Variants in GPR34 observed in about 807,000 individuals in gnomAD.
GPR34 encodes the protein probable G protein-coupled receptor 34.
GPR34 carries 3 observed loss-of-function variants against 14.1 expected under a neutral mutation model. The observed-to-expected ratio is 0.21, with a 90% CI of 0.10 to 0.55. The LOEUF (loss-of-function observed/expected upper bound fraction) is 0.55. Among genes scored for constraint, GPR34 ranks in the 20% least tolerant of loss-of-function variants. The probability of loss-of-function intolerance (pLI) is 0.94; values close to 1 mark genes in which losing one functional copy is unlikely to be tolerated. For synonymous variants in GPR34, 99 were observed against 99.9 expected, an observed-to-expected ratio of 0.99 and a Z score of 0.05; for missense variants, 213 against 292.8, an observed-to-expected ratio of 0.73 and a Z score of 1.99.
chrX:41,696,149 T>G lies in GPR34; in HGVS notation c.516T>G (p.Ile172Met). Residue 172 changes from isoleucine (I) to methionine (M), a missense_variant, in exon 3 of 3, where the codon ATT (isoleucine) becomes ATG (methionine). Transcript: ENST00000378142. ...AGGCAATAACAACCAAACAAAGTAT[T>G]TATGTCTGTTGTATAGTATGGATGC... ...QRKAITTKQS[I>M]YVCCIVWMLA... is the part of the protein sequence containing the mutation. 1 of 1,208,042 alleles carries G rather than the reference T, an allele frequency of 8.3e-7. No individual in the cohort carries two copies. The highest frequency in any genetic ancestry group is 1.1e-6 in the Non-Finnish European group (1 of 892,758).
Position 41,695,738 on chromosome X carries a change from A to C in GPR34, c.105A>C (p.Gln35His). 8.3e-7 allele frequency: 1 copy of C among 1,209,862 alleles called. No individual in the cohort carries two copies. The highest frequency in any genetic ancestry group is 1.1e-6 in the Non-Finnish European group (1 of 893,878). ...FITNHSDQPP[Q>H]NFSATPNVTT... ...CCAATCATAGCGACCAACCGCCACA[A>C]AACTTCTCAGCAACACCAAATGTTA... The change falls in exon 3 of 3, where the codon CAA becomes CAC. Residue 35 changes from glutamine to histidine, a missense_variant. By Grantham distance (24) the Gln-to-His change is conservative. Transcript: ENST00000378142.
chrX:41,695,648 C>T lies in GPR34; in HGVS notation c.15C>T (p.Thr5=). The T allele has an allele frequency of 2.5e-6, 3 of 1,193,974 alleles. No individual in the cohort carries two copies. Among genetic ancestry groups the T allele is most frequent in the African/African-American group, 1.7e-5 (1 of 57,328 alleles). The part of the protein sequence containing the change: MRSH[T]ITMTTTSVSS... The stretch of plus-strand genomic sequence containing the variant: ...CACAGAAGACAATGAGAAGTCATAC[C>T]ATAACAATGACGACAACTTCAGTCA... The change falls in exon 3 of 3, where the codon ACC becomes ACT. Residue 5 remains threonine, a synonymous_variant. Transcript: ENST00000378142.
rs1193135828 is a variant in GPR34, at chrX:41,695,774, C to T, written c.141C>T (p.Pro47=). The T allele has an allele frequency of 2.5e-6, 3 of 1,210,158 alleles. No homozygotes were observed. The highest frequency in any genetic ancestry group is 3.4e-6 in the Non-Finnish European group (3 of 894,047). The change falls in exon 3 of 3, where the codon CCC becomes CCT. Residue 47 remains proline, a synonymous_variant. Transcript: ENST00000378142. ...CAACACCAAATGTTACTACCTGTCC[C>T]ATGGATGAAAAATTGCTATCTACTG... ...FSATPNVTTC[P]MDEKLLSTVL...
chrX:41,690,793 C>T (rs1488158117), intron 2 of GPR34, among the ~76,000 whole-genome samples: 1 of 108,379 alleles, frequency 9.2e-6, no homozygotes, highest in African/African-American at 3.4e-5. Context: ...CCCACCTTAG[C>T]CTCTCGAGTA....
rs566277310 is a variant in GPR34 at position 41,695,660 on chromosome X, G to A, written c.27G>A (p.Thr9=). 1.7e-6 allele frequency: 2 copies of A among 1,200,917 alleles called. No homozygotes were observed. Among genetic ancestry groups the A allele is most frequent in the African/African-American group, 3.5e-5 (2 of 57,374 alleles). The change falls in exon 3 of 3, where the codon ACG becomes ACA. Residue 9 remains threonine (T), a synonymous_variant. Coordinates refer to ENST00000378142, the MANE Select transcript of GPR34 (RefSeq NM_001097579.2). The part of the protein sequence containing the change: MRSHTITM[T]TTSVSSWPYS... ...TGAGAAGTCATACCATAACAATGAC[G>A]ACAACTTCAGTCAGCAGCTGGCCTT...
chrX:41,691,356 C>T (rs758243686), intron 2 of GPR34, among the ~76,000 whole-genome samples: 1 of 111,638 alleles, frequency 9.0e-6, no homozygotes, highest in Non-Finnish European at 1.9e-5. Context: ...AGATTAATAC[C>T]CTTTCCAAAG....
chrX:41,695,713 C>T lies in GPR34; in HGVS notation c.80C>T (p.Thr27Ile). ...PYSSHRMRFITNHSDQPPQNF... is the reference protein window; with the variant it reads ...PYSSHRMRFIINHSDQPPQNF... ...TCCTCCCACAGAATGCGCTTTATAA[C>T]CAATCATAGCGACCAACCGCCACAA... The change falls in exon 3 of 3, where the codon ACC (threonine) becomes ATC (isoleucine). Residue 27 changes from threonine to isoleucine, a missense_variant. Transcript: ENST00000378142. The T allele has an allele frequency of 8.3e-7, 1 of 1,204,894 alleles. No homozygotes were observed. The highest frequency in any genetic ancestry group is 1.1e-6 in the Non-Finnish European group (1 of 889,547).
In GPR34 at chrX:41,692,852, T is replaced by C. The variant is rs909902272; in HGVS notation, c.-79-2703T>C. On this transcript the variant is annotated intron_variant, in intron 2 of 2. Coordinates refer to ENST00000378142, the MANE Select transcript of GPR34 (RefSeq NM_001097579.2). ...GTTTTTCGTTGCCACCACACTACGC[T>C]AGTGATAGAGCAATTGCAATTGTGT... is the stretch of plus-strand genomic sequence containing the variant. Among the ~76,000 whole-genome samples the C allele has an allele frequency of 4.7e-4, 53 of 112,162 alleles. 1 individual carries two copies. The highest frequency in any genetic ancestry group is 7.6e-4 in the Admixed American group (8 of 10,578).
At position 41,696,521 on chromosome X, in the gene GPR34, A is replaced by G. The variant is rs138580045; in HGVS notation, c.888A>G (p.Val296=). 2.7e-3 allele frequency: 3,273 copies of G among 1,206,888 alleles called. 11 individuals carry two copies. The highest frequency in any genetic ancestry group is 0.013 in the Middle Eastern group (58 of 4,345). Residue 296 remains valine (V), a synonymous_variant, in exon 3 of 3, where the codon GTA becomes GTG. Transcript: ENST00000378142. ...TCTACATTTCTTCACAGCTAAATGT[A>G]TCATCTTGCTACTGGAAAGAAATTG... ...RFIYISSQLN[V]SSCYWKEIVH... is the part of the protein sequence containing the mutation.
intron 2 of GPR34, among the ~76,000 whole-genome samples, chrX:41,691,986 T>C (rs1463204478): frequency 9.0e-6 from 1 of 110,830 alleles, no homozygotes; most frequent in Non-Finnish European, 1.9e-5. Flanking sequence ...CTTGAACTCC[T>C]GGTCTCAAGT....
chrX:41,696,106 G>A lies in GPR34; in HGVS notation c.473G>A (p.Arg158Gln), dbSNP rs768784541. ...TTGGATCGCTATATAAAAATTAATC[G>A]GTCTATACAGCAACGGAAGGCAATA... Reference protein sequence around the residue: ...ISLDRYIKINRSIQQRKAITT... With the variant: ...ISLDRYIKINQSIQQRKAITT... Residue 158 changes from arginine to glutamine, a missense_variant, in exon 3 of 3, where the codon CGG becomes CAG. Coordinates refer to ENST00000378142, the MANE Select transcript of GPR34 (RefSeq NM_001097579.2). The A allele has an allele frequency of 7.5e-6, 9 of 1,202,272 alleles. No homozygotes were observed. The highest frequency in any genetic ancestry group is 1.0e-5 in the Non-Finnish European group (9 of 888,646).
intron 2 of GPR34, among the ~76,000 whole-genome samples, chrX:41,693,470 C>T (rs1331466330): frequency 1.4e-4 from 15 of 110,112 alleles, no homozygotes; most frequent in Non-Finnish European, 2.7e-4. Context: ...AAAAATTAGC[C>T]GGGCATGGTG....
chrX:41,695,923 C>A lies in GPR34; in HGVS notation c.290C>A (p.Ala97Asp), dbSNP rs903811098. The part of the protein sequence containing the change: ...NSIQIYLLNV[A>D]IADLLLIFCL... ...ATTCAAATTTATCTACTTAACGTAG[C>A]CATTGCAGACCTCCTACTCATCTTC... Residue 97 changes from alanine (A) to aspartate (D), a missense_variant, in exon 3 of 3, where the codon GCC becomes GAC. By Grantham distance (126) the Ala-to-Asp change is moderately radical (BLOSUM62 -2). Coordinates refer to ENST00000378142, the MANE Select transcript of GPR34 (RefSeq NM_001097579.2). 1.7e-6 allele frequency: 2 copies of A among 1,205,040 alleles called. No individual in the cohort carries two copies. The highest frequency in any genetic ancestry group is 2.2e-6 in the Non-Finnish European group (2 of 889,964).
In GPR34 at chrX:41,694,933, A is replaced by C. The variant is rs180998670; in HGVS notation, c.-79-622A>C. ...AATGAATGCCACATATGAGGGAAAA[A>C]GTCAAGGCAGGAAGTGGTTCTGAAG... On this transcript the variant is annotated intron_variant, in intron 2 of 2. Transcript: ENST00000378142. 1.9e-3 allele frequency among the ~76,000 whole-genome samples: 218 copies of C among 112,012 alleles called. 3 individuals are homozygous for C. The highest frequency in any genetic ancestry group is 0.017 in the Admixed American group (178 of 10,553).
Position 41,696,485 on chromosome X carries a change from C to A in GPR34, c.852C>A (p.Ala284=). The change falls in exon 3 of 3, where the codon GCC becomes GCA. Residue 284 remains alanine, a synonymous_variant. Coordinates refer to ENST00000378142, the MANE Select transcript of GPR34 (RefSeq NM_001097579.2). ...IFTICFVPYH[A]FRFIYISSQL... The stretch of plus-strand genomic sequence containing the variant: ...CTATATGTTTTGTTCCCTATCATGC[C>A]TTTCGATTCATCTACATTTCTTCAC... 3.3e-6 allele frequency: 4 copies of A among 1,208,009 alleles called. No individual in the cohort carries two copies. The highest frequency in any genetic ancestry group is 4.5e-6 in the Non-Finnish European group (4 of 892,585).
chrX:41,690,370 A>G (rs1174575158), intron 2 of GPR34, among the ~76,000 whole-genome samples: 1 of 110,676 alleles, frequency 9.0e-6, no homozygotes, highest in Non-Finnish European at 1.9e-5. Context: ...TTTTTGAGAC[A>G]GACTCTCGCT....
chrX:41,690,551 G>A (rs2067530131), intron 2 of GPR34, among the ~76,000 whole-genome samples: 1 of 106,433 alleles, frequency 9.4e-6, no homozygotes, highest in Non-Finnish European at 1.9e-5. Context: ...AGTAGAGGCA[G>A]GGTTTCGCTA....
intron 2 of GPR34, among the ~76,000 whole-genome samples, chrX:41,694,154 T>C (rs2067634522): frequency 8.9e-6 from 1 of 112,503 alleles, no homozygotes; most frequent in African/African-American, 3.2e-5. Flanking sequence ...TCAAAAGGTG[T>C]TTATTAAAGC....
At chrX:41,695,422 C>A (rs894129628) in intron 2 of GPR34, 133 bp from the exon 3 acceptor site, 1 of 339,329 alleles carries the variant, frequency 2.9e-6, no homozygotes, top group African/African-American at 2.6e-5. Flanking sequence ...TTCAAGCAAT[C>A]CTTCTGCTGT....
Sources: gnomAD v4.1 joint callset for allele counts (sites outside exome capture counted in the v4.1 genomes callset) on GRCh38, gnomAD v4.1.1 for gene constraint, MANE v1.5 for transcripts, NCBI Gene and HGNC (gene_info 2026-07-23, HGNC 2026-07-21) for gene names.